CYP4F22: variants seen among roughly 807,000 people sequenced by gnomAD.
CYP4F22 encodes ultra-long-chain fatty acid omega-hydroxylase.
Under a neutral mutation model 60.4 loss-of-function variants are expected in CYP4F22, and 37 were observed. That is an observed-to-expected ratio of 0.61 (90% CI 0.47 to 0.81). The LOEUF (loss-of-function observed/expected upper bound fraction) is 0.81. Ranked by LOEUF, CYP4F22 falls within the 30% of genes least tolerant of loss-of-function variation. CYP4F22 has a pLI of 0.00. For synonymous variants in CYP4F22, 258 were observed against 280.5 expected (o/e 0.92, Z 0.80); for missense variants, 655 against 715.0 (o/e 0.92, Z 0.96).
At chr19:15,546,287 T>C (rs949442347) in intron 10 of CYP4F22, among the ~76,000 whole-genome samples, 2 of 152,022 alleles carry the variant, frequency 1.3e-5, no homozygotes, top group Non-Finnish European at 2.9e-5. Context: ...TAAAGTTTCT[T>C]TGAAAGAGAA....
At chr19:15,520,708 C>A (rs1971214188) in intron 1 of CYP4F22, among the ~76,000 whole-genome samples, 1 of 151,956 alleles carries the variant, frequency 6.6e-6, no homozygotes, top group African/African-American at 2.4e-5. Context: ...CTGCCTCAGC[C>A]TCCCGAGTAG....
Position 15,537,867 on chromosome 19 carries a change from T to C in CYP4F22, c.550-5T>C. ...ATGCACAGTCACCATGTATCTCTCT[T>C]CCAGGCTAAATGGCGGCATCTGGCA... On this transcript the variant is annotated splice_region_variant and splice_polypyrimidine_tract_variant and intron_variant, in intron 6 of 13. Transcript: ENST00000269703. 1.9e-6 allele frequency: 3 copies of C among 1,613,626 alleles called. No homozygotes were observed. Among genetic ancestry groups the C allele is most frequent in the Non-Finnish European group, 2.5e-6 (3 of 1,180,014 alleles).
chr19:15,513,875 A>G (rs1971124220), intron 1 of CYP4F22, among the ~76,000 whole-genome samples: 1 of 152,206 alleles, frequency 6.6e-6, no homozygotes, highest in South Asian at 2.1e-4. Flanking sequence ...CATAGGTCAT[A>G]CTTTTCAGCC....
chr19:15,519,160 A>T (rs1456985510), intron 1 of CYP4F22, among the ~76,000 whole-genome samples: 1 of 152,144 alleles, frequency 6.6e-6, no homozygotes, highest in Non-Finnish European at 1.5e-5. Flanking sequence ...TGAGATCCTC[A>T]GGATGTGGGC....
At chr19:15,518,928 G>A (rs1201773916) in intron 1 of CYP4F22, among the ~76,000 whole-genome samples, 1 of 152,012 alleles carries the variant, frequency 6.6e-6, no homozygotes, top group East Asian at 1.9e-4. Context: ...TGATGGGGAT[G>A]GAGAATGATG....
Position 15,549,246 on chromosome 19 carries a change from C to T in CYP4F22, c.1335+44C>T, listed in dbSNP as rs780315611. On this transcript the variant is annotated intron_variant, in intron 12 of 13. Transcript: ENST00000269703. Reference sequence around the variant, plus strand: ...CCTCCCTGCCCTCAGGTCCTCCCCTCCCCTGCGCCCCAGGGAGCCAGCGAG... The same window carrying T: ...CCTCCCTGCCCTCAGGTCCTCCCCTTCCCTGCGCCCCAGGGAGCCAGCGAG... 6.2e-6 allele frequency: 10 copies of T among 1,606,164 alleles called. No homozygotes were observed. In the East Asian group the frequency reaches 1.6e-4, roughly 25 times the overall value.
intron 1 of CYP4F22, among the ~76,000 whole-genome samples, chr19:15,514,383 C>T (rs1029412006): frequency 1.3e-5 from 2 of 152,190 alleles, no homozygotes; most frequent in Non-Finnish European, 2.9e-5. Context: ...GAGAAACTCT[C>T]AAATGAAAAT....
chr19:15,529,492 T>C (rs996631483), intron 3 of CYP4F22, among the ~76,000 whole-genome samples: 1 of 152,126 alleles, frequency 6.6e-6, no homozygotes, highest in African/African-American at 2.4e-5. Context: ...TGCTTTGTTA[T>C]TTCATGAATC....
chr19:15,527,060 G>T (rs751779455), intron 3 of CYP4F22, among the ~76,000 whole-genome samples: 2 of 152,062 alleles, frequency 1.3e-5, no homozygotes, highest in Admixed American at 6.6e-5. Context: ...GATGAGATAG[G>T]CTGGACTTTC....
intron 1 of CYP4F22, among the ~76,000 whole-genome samples, chr19:15,517,181 G>T (rs1047620007): frequency 2.0e-5 from 3 of 152,042 alleles, no homozygotes; most frequent in Non-Finnish European, 4.4e-5. Context: ...GTGGGTGCCA[G>T]ACAGAAGTGT....
rs941517104 is a variant in CYP4F22 at position 15,508,533 on chromosome 19, G to C, written c.-159G>C. On this transcript the variant is annotated 5_prime_UTR_variant, in exon 1 of 14. Coordinates refer to ENST00000269703, the MANE Select transcript of CYP4F22 (RefSeq NM_173483.4). The stretch of plus-strand genomic sequence containing the variant: ...CGTGGGACGGCGCGGTCAGATCCCA[G>C]GTAGTGGCGCCGGTGGATCCGGATC... 1 of 152,490 alleles carries C rather than the reference G, an allele frequency of 6.6e-6. No individual in the cohort carries two copies. The highest frequency in any genetic ancestry group is 1.5e-5 in the Non-Finnish European group (1 of 68,262). The allele number at this position is 152,490 out of a possible 1,614,324, so 9.4% of individuals were successfully genotyped here. A position where few individuals can be genotyped will look rare whatever the true frequency, so the allele number is the denominator to read the frequency against.
At chr19:15,515,798 A>G (rs2144498875) in intron 1 of CYP4F22, among the ~76,000 whole-genome samples, 1 of 151,720 alleles carries the variant, frequency 6.6e-6, no homozygotes, top group South Asian at 2.1e-4. Context: ...ATCTCGGCTC[A>G]CTGCAAGCTC....
At chr19:15,517,415 C>T (rs1971168724) in intron 1 of CYP4F22, among the ~76,000 whole-genome samples, 1 of 152,178 alleles carries the variant, frequency 6.6e-6, no homozygotes, top group East Asian at 1.9e-4. Flanking sequence ...GGAAGGACTT[C>T]AGCCCATGTC....
chr19:15,547,476 G>A (rs1431752171), intron 10 of CYP4F22, among the ~76,000 whole-genome samples: 6 of 152,108 alleles, frequency 3.9e-5, no homozygotes, highest in Admixed American at 1.3e-4. Flanking sequence ...CCAGCAGAGG[G>A]CCCAGTGCTA....
Position 15,540,390 on chromosome 19 carries a change from C to T in CYP4F22, c.672-60C>T. 8 of 1,611,052 alleles carry T rather than the reference C, an allele frequency of 5.0e-6. No homozygotes were observed. In the South Asian group the frequency reaches 8.8e-5, roughly 18 times the overall value. On this transcript the variant is annotated intron_variant, in intron 7 of 13. Coordinates refer to ENST00000269703, the MANE Select transcript of CYP4F22 (RefSeq NM_173483.4). ...GGACAGGAGGCTTATCTTAGCCAAG[C>T]CAGGGCTGTGCTATGCTAGGGGAAG...
intron 4 of CYP4F22, among the ~76,000 whole-genome samples, chr19:15,536,907 C>G (rs1047466914): frequency 9.9e-5 from 15 of 152,004 alleles, no homozygotes; most frequent in Non-Finnish European, 1.6e-4. Context: ...AGGATTTTTT[C>G]TCGGGTAGGT....
At chr19:15,509,907 T>TCC (rs781016749) in intron 1 of CYP4F22, among the ~76,000 whole-genome samples, 6,216 of 105,102 alleles carry the variant, frequency 0.059, 182 homozygotes, top group Middle Eastern at 0.091. Context: ...CTTCCTTCCT[T>TCC]TCTTTCTTTC....
At chr19:15,514,257 C>G (rs1971128036) in intron 1 of CYP4F22, among the ~76,000 whole-genome samples, 1 of 152,022 alleles carries the variant, frequency 6.6e-6, no homozygotes, top group Admixed American at 6.6e-5. Context: ...CTGGGTTAGT[C>G]AATGAAATAA....
intron 4 of CYP4F22, among the ~76,000 whole-genome samples, chr19:15,534,897 G>T (rs1005752008): frequency 6.6e-5 from 10 of 152,140 alleles, no homozygotes; most frequent in Non-Finnish European, 1.3e-4. Context: ...GGTGATTTAG[G>T]GTGGCTGGAG....
Sources: allele counts gnomAD v4.1 joint callset (sites outside exome capture counted in the v4.1 genomes callset), GRCh38; gene constraint gnomAD v4.1.1; transcripts MANE v1.5; gene names NCBI Gene and HGNC (gene_info 2026-07-23, HGNC 2026-07-21).